Variants in NMUR1 observed in about 807,000 individuals in gnomAD.
The protein encoded by NMUR1 is neuromedin U receptor 1, also known as neuromedin-U receptor 1.
NMUR1 carries 16 observed loss-of-function variants against 18.8 expected under a neutral mutation model. The observed-to-expected ratio is 0.85, with a 90% CI of 0.58 to 1.29. The LOEUF is 1.29. NMUR1 is among the 50% of genes most tolerant of loss of function. NMUR1 has a pLI of 0.00. For missense variants in NMUR1, 529 were observed against 580.3 expected (o/e 0.91, Z 0.91); for synonymous variants, 258 against 258.2 (o/e 1.00, Z 0.01).
chr2:231,527,942 AAT>A (rs1253830906), intron 2 of NMUR1, among the ~76,000 whole-genome samples, 179 bp downstream of exon 2: 1 of 151,646 alleles, frequency 6.6e-6, no homozygotes, highest in Non-Finnish European at 1.5e-5. Context: ...CTAGTAGGGT[AAT>A]CTAAAAGAGT....
In NMUR1 at chr2:231,528,394, G is replaced by A. The variant is rs539508353; in HGVS notation, c.627C>T (p.Cys209=). The A allele has an allele frequency of 5.6e-6, 9 of 1,613,704 alleles. No individual in the cohort carries two copies. The highest frequency in any genetic ancestry group is 1.7e-4 in the Middle Eastern group (1 of 6,060). The part of the protein sequence containing the change: ...LHGIRQLHVP[C]RGPVPDSAVC... ...CAGCTGAGTCTGGCACTGGGCCCCG[G>A]CAGGGCACGTGCAGCTGCCGGATGC... The change falls in exon 2 of 3, where the codon TGC becomes TGT. Residue 209 remains cysteine, a synonymous_variant. Transcript: ENST00000305141.
intron 2 of NMUR1, among the ~76,000 whole-genome samples, chr2:231,526,933 T>C (rs1347146735): frequency 6.6e-6 from 1 of 152,162 alleles, no homozygotes; most frequent in Non-Finnish European, 1.5e-5. Context: ...TACCTTAGCC[T>C]GCCCTAATCC....
chr2:231,526,817 G>A (rs367802401), intron 2 of NMUR1, among the ~76,000 whole-genome samples: 1 of 152,072 alleles, frequency 6.6e-6, no homozygotes, highest in South Asian at 2.1e-4. Context: ...AGGTGGATGG[G>A]GCGGATCTTT....
Position 231,528,269 on chromosome 2 carries a change from T to A in NMUR1, c.752A>T (p.Tyr251Phe). The change falls in exon 2 of 3, where the codon TAC (tyrosine) becomes TTC (phenylalanine). Residue 251 changes from tyrosine to phenylalanine, a missense_variant. Tyr to Phe is a conservative substitution (Grantham distance 22). Transcript: ENST00000305141. ...CCGCAGTCGCAGCCCAATGAGCAGGTAGAGCACGCTCATGATGGCCATGGG... is the reference window on the plus strand; with the variant it reads ...CCGCAGTCGCAGCCCAATGAGCAGGAAGAGCACGCTCATGATGGCCATGGG... ...CLPMAIMSVL[Y>F]LLIGLRLRRE... 12 of 1,613,960 alleles carry A rather than the reference T, an allele frequency of 7.4e-6. No individual in the cohort carries two copies. The highest frequency in any genetic ancestry group is 1.0e-5 in the Non-Finnish European group (12 of 1,179,934).
chr2:231,529,655 G>T (rs2125670482), intron 1 of NMUR1, among the ~76,000 whole-genome samples: 1 of 152,324 alleles, frequency 6.6e-6, no homozygotes, highest in African/African-American at 2.4e-5. Flanking sequence ...ACAATGCCTG[G>T]TATTGCAGGG....
chr2:231,526,178 T>C (rs2125664705), intron 2 of NMUR1, among the ~76,000 whole-genome samples: 1 of 152,294 alleles, frequency 6.6e-6, no homozygotes, highest in East Asian at 1.9e-4. Flanking sequence ...CTTACCCAAC[T>C]ATGCCCTTCC....
In NMUR1 at chr2:231,526,795, T is replaced by G. The variant is rs185999073; in HGVS notation, c.898+1328A>C. On this transcript the variant is annotated intron_variant, in intron 2 of 2. Coordinates refer to ENST00000305141, the MANE Select transcript of NMUR1 (RefSeq NM_006056.5). ...AGGCTCTGCTGAGGTGGGGCTGAGCTGGGATGCAGGTAGGTGGATGGGGCG... is the reference window on the plus strand; with the variant it reads ...AGGCTCTGCTGAGGTGGGGCTGAGCGGGGATGCAGGTAGGTGGATGGGGCG... Among the ~76,000 whole-genome samples, 367 of 137,778 alleles carry G rather than the reference T, an allele frequency of 2.7e-3. 3 individuals carry two copies. The highest frequency in any genetic ancestry group is 5.9e-3 in the Admixed American group (74 of 12,582). The allele number at this position is 137,778 out of a possible 152,430, so 90.4% of individuals were successfully genotyped here. A position where few individuals can be genotyped will look rare whatever the true frequency, so the allele number is the denominator to read the frequency against.
rs200825519 is a variant in NMUR1 at position 231,525,267 on chromosome 2, G to C, written c.1057C>G (p.Pro353Ala). 3 of 1,614,186 alleles carry C rather than the reference G, an allele frequency of 1.9e-6. No homozygotes were observed. The highest frequency in any genetic ancestry group is 2.5e-6 in the Non-Finnish European group (3 of 1,180,032). ...IFFYLGSAANPVLYSLMSSRF... is the reference protein window; with the variant it reads ...IFFYLGSAANAVLYSLMSSRF... ...CTGGACATGAGGCTATAGAGCACGG[G>C]GTTGGCCGCCGAGCCCAGGTAGAAG... is the stretch of plus-strand genomic sequence containing the variant. The change falls in exon 3 of 3, where the codon CCC becomes GCC. Residue 353 changes from proline (P) to alanine (A), a missense_variant. By Grantham distance (27) the Pro-to-Ala change is conservative (BLOSUM62 -1). Coordinates refer to ENST00000305141, the MANE Select transcript of NMUR1 (RefSeq NM_006056.5).
chr2:231,528,956 T>C lies in NMUR1; in HGVS notation c.65A>G (p.Asn22Ser), dbSNP rs151070881. The change falls in exon 2 of 3, where the codon AAC becomes AGC. Residue 22 changes from asparagine (N) to serine (S), a missense_variant. Asn to Ser is a conservative substitution (Grantham distance 46). Coordinates refer to ENST00000305141, the MANE Select transcript of NMUR1 (RefSeq NM_006056.5). ...CGCACTGCCATTGCAAGCCATGGGG[T>C]TCCTTGCACCCCCTGGGTACAGGTC... ...PGDLYPGGAR[N>S]PMACNGSAAR... 435 of 1,614,014 alleles carry C rather than the reference T, an allele frequency of 2.7e-4. 4 individuals carry two copies. In the African/African-American group the frequency reaches 5.0e-3, roughly 19 times the overall value.
chr2:231,521,503 G>A (rs1044211569), downstream of NMUR1, among the ~76,000 whole-genome samples: 1 of 152,174 alleles, frequency 6.6e-6, no homozygotes, highest in East Asian at 1.9e-4. Context: ...GTGACCAAGG[G>A]GCTAGGAGAC....
At position 231,528,480 on chromosome 2, in the gene NMUR1, C is replaced by T; in HGVS notation, c.541G>A (p.Val181Met). 6.2e-7 allele frequency: 1 copy of T among 1,613,704 alleles called. No homozygotes were observed. Among genetic ancestry groups the T allele is most frequent in the Non-Finnish European group, 8.5e-7 (1 of 1,180,030 alleles). Residue 181 changes from valine to methionine, a missense_variant, in exon 2 of 3, where the codon GTG becomes ATG. Val to Met is a conservative substitution (Grantham distance 21, BLOSUM62 1). Transcript: ENST00000305141. ...SMVTRAHVRR[V>M]LGAVWGLAML... ...GCAAGACCCCAGACGGCCCCAAGCA[C>T]TCGGCGCACATGGGCCCGCGTCACC... is the stretch of plus-strand genomic sequence containing the variant.
At chr2:231,529,080 C>G in intron 1 of NMUR1, 63 bp from the exon 2 acceptor site, 1 of 1,466,708 alleles carries the variant, frequency 6.8e-7, no homozygotes. Flanking sequence ...TCTGTCCTCA[C>G]TCATCAAGCC....
intron 2 of NMUR1, among the ~76,000 whole-genome samples, chr2:231,526,133 C>G (rs2047354500): frequency 1.5e-5 from 2 of 137,298 alleles, no homozygotes; most frequent in South Asian, 5.6e-4. Flanking sequence ...GTTTGGCAAA[C>G]CTTCACTTTC....
In NMUR1 at chr2:231,525,314, A is replaced by G. The variant is rs1377241999; in HGVS notation, c.1010T>C (p.Val337Ala). Reference protein sequence around the residue: ...TDGLHLAFQHVHVISGIFFYL... With the variant: ...TDGLHLAFQHAHVISGIFFYL... ...GAAGAAGATGCCGGAGATGACGTGC[A>G]CGTGCTGGAAGGCCAGGTGCAGGCC... is the stretch of plus-strand genomic sequence containing the variant. Residue 337 changes from valine to alanine, a missense_variant, in exon 3 of 3, where the codon GTG becomes GCG. By Grantham distance (64) the Val-to-Ala change is moderately conservative (BLOSUM62 0). Coordinates refer to ENST00000305141, the MANE Select transcript of NMUR1 (RefSeq NM_006056.5). 1.2e-6 allele frequency: 2 copies of G among 1,613,734 alleles called. No homozygotes were observed. Among genetic ancestry groups the G allele is most frequent in the Non-Finnish European group, 1.7e-6 (2 of 1,179,968 alleles).
Position 231,528,361 on chromosome 2 carries a change from C to G in NMUR1, c.660G>C (p.Met220Ile), listed in dbSNP as rs113126736. 6.8e-6 allele frequency: 11 copies of G among 1,613,706 alleles called. No individual in the cohort carries two copies. The highest frequency in any genetic ancestry group is 5.3e-5 in the African/African-American group (4 of 75,078). ...RGPVPDSAVC[M>I]LVRPRALYNM... Reference sequence around the variant, plus strand: ...TGTAGAGGGCCCGTGGGCGGACCAGCATGCAAACAGCTGAGTCTGGCACTG... The same window carrying G: ...TGTAGAGGGCCCGTGGGCGGACCAGGATGCAAACAGCTGAGTCTGGCACTG... The change falls in exon 2 of 3, where the codon ATG (methionine) becomes ATC (isoleucine). Residue 220 changes from methionine to isoleucine, a missense_variant. Coordinates refer to ENST00000305141, the MANE Select transcript of NMUR1 (RefSeq NM_006056.5).
At chr2:231,522,200 G>T (rs568730782), downstream of NMUR1, among the ~76,000 whole-genome samples, 1 of 151,682 alleles carries the variant, frequency 6.6e-6, no homozygotes, top group Admixed American at 6.6e-5. Flanking sequence ...GCCTAGACTG[G>T]TCTTGAACTC....
At chr2:231,529,750 T>A (rs2047396976) in intron 1 of NMUR1, among the ~76,000 whole-genome samples, 1 of 152,136 alleles carries the variant, frequency 6.6e-6, no homozygotes, top group Non-Finnish European at 1.5e-5. Context: ...TTTAGCGAGG[T>A]AACCTCTCTG....
intron 1 of NMUR1, among the ~76,000 whole-genome samples, chr2:231,529,407 C>A (rs367856148): frequency 6.6e-6 from 1 of 151,858 alleles, no homozygotes; most frequent in Non-Finnish European, 1.5e-5. Context: ...TTGCAGTGAG[C>A]GGAGATTGTG....
Position 231,525,264 on chromosome 2 carries a change from C to G in NMUR1, c.1060G>C (p.Val354Leu). 1 of 1,614,116 alleles carries G rather than the reference C, an allele frequency of 6.2e-7. No homozygotes were observed. Among genetic ancestry groups the G allele is most frequent in the Non-Finnish European group, 8.5e-7 (1 of 1,180,024 alleles). ...FFYLGSAANP[V>L]LYSLMSSRFR... The stretch of plus-strand genomic sequence containing the variant: ...CGGCTGGACATGAGGCTATAGAGCA[C>G]GGGGTTGGCCGCCGAGCCCAGGTAG... Residue 354 changes from valine to leucine, a missense_variant, in exon 3 of 3, where the codon GTG (valine) becomes CTG (leucine). By Grantham distance (32) the Val-to-Leu change is conservative (BLOSUM62 1). Coordinates refer to ENST00000305141, the MANE Select transcript of NMUR1 (RefSeq NM_006056.5).
Sources: allele counts gnomAD v4.1 joint callset (sites outside exome capture counted in the v4.1 genomes callset), GRCh38; gene constraint gnomAD v4.1.1; transcripts MANE v1.5; gene names NCBI Gene and HGNC (gene_info 2026-07-23, HGNC 2026-07-21).